Variants in FAXC observed in about 807,000 individuals in gnomAD.
FAXC encodes failed axon connections homolog, metaxin like GST domain containing.
Under a neutral mutation model 41.9 loss-of-function variants are expected in FAXC, and 10 were observed. The observed-to-expected ratio is 0.24, with a 90% confidence interval of 0.15 to 0.41. The LOEUF (loss-of-function observed/expected upper bound fraction) is 0.41. FAXC is among the 10% of genes least tolerant of loss of function. The pLI, the probability that FAXC is intolerant of heterozygous loss-of-function variation, is 1.00. For synonymous variants in FAXC, 183 were observed against 183.8 expected, an observed-to-expected ratio of 1.00 and a Z score of 0.03; for missense variants, 399 against 510.9, an observed-to-expected ratio of 0.78 and a Z score of 2.11.
intron 4 of FAXC, among the ~76,000 whole-genome samples, chr6:99,297,767 A>G (rs1341462449): frequency 1.3e-5 from 2 of 152,076 alleles, no homozygotes; most frequent in African/African-American, 2.4e-5. Context: ...CCTGCCCCAA[A>G]TAACTCCGGC....
chr6:99,337,967 C>T (rs1181110545), intron 2 of FAXC, among the ~76,000 whole-genome samples: 1 of 152,102 alleles, frequency 6.6e-6, no homozygotes, highest in African/African-American at 2.4e-5. Flanking sequence ...GGGTACAGCT[C>T]CCTGGGTCCA....
intron 5 of FAXC, among the ~76,000 whole-genome samples, chr6:99,286,712 T>C (rs72921074): frequency 0.054 from 8,237 of 152,308 alleles, 441 homozygotes; most frequent in Admixed American, 0.18. Flanking sequence ...TCTCCACATC[T>C]GTTTTAAGGA....
chr6:99,323,436 T>G lies in FAXC; in HGVS notation c.823+8A>C. 1 of 1,608,960 alleles carries G rather than the reference T, an allele frequency of 6.2e-7. No homozygotes were observed. Among genetic ancestry groups the G allele is most frequent in the Non-Finnish European group, 8.5e-7 (1 of 1,175,506 alleles). Reference sequence around the variant, plus strand: ...GCAAATATAGAAATAGAAGGTGTGGTACATTACCCAAAAGCCCTGCTAAAG... The same window carrying G: ...GCAAATATAGAAATAGAAGGTGTGGGACATTACCCAAAAGCCCTGCTAAAG... On this transcript the variant is annotated splice_region_variant and intron_variant, in intron 4 of 5. Transcript: ENST00000389677.
intron 4 of FAXC, among the ~76,000 whole-genome samples, chr6:99,302,148 T>C (rs915505544): frequency 6.6e-6 from 1 of 152,214 alleles, no homozygotes; most frequent in Non-Finnish European, 1.5e-5. Flanking sequence ...CGGTTGTTAG[T>C]ACATCTCAGG....
At chr6:99,342,689 CA>C (rs1268791419) in intron 2 of FAXC, among the ~76,000 whole-genome samples, 1 of 152,192 alleles carries the variant, frequency 6.6e-6, no homozygotes, top group African/African-American at 2.4e-5. Flanking sequence ...CTGAATCTCT[CA>C]AAAGTTTAGA....
chr6:99,329,521 G>A (rs1236663463), intron 3 of FAXC, among the ~76,000 whole-genome samples: 6 of 152,108 alleles, frequency 3.9e-5, no homozygotes, highest in Non-Finnish European at 8.8e-5. Flanking sequence ...CATCCTTGCT[G>A]TCTTTTGCTT....
At chr6:99,290,414 T>C (rs1342739776) in intron 5 of FAXC, among the ~76,000 whole-genome samples, 2 of 152,052 alleles carry the variant, frequency 1.3e-5, no homozygotes, top group Non-Finnish European at 2.9e-5. Context: ...AAATAATACT[T>C]TGGGCGGCCG....
intron 4 of FAXC, among the ~76,000 whole-genome samples, chr6:99,300,942 C>A (rs1275337343): frequency 6.6e-6 from 1 of 152,216 alleles, no homozygotes; most frequent in Admixed American, 6.5e-5. Flanking sequence ...TTGTGTTTGG[C>A]CCTCGGGGCC....
intron 4 of FAXC, among the ~76,000 whole-genome samples, chr6:99,294,705 A>G (rs117274470): frequency 0.02 from 3,025 of 152,344 alleles, 53 homozygotes; most frequent in Non-Finnish European, 0.031. Context: ...AGTCAAGTCC[A>G]TAAATTTTGA....
At position 99,282,475 on chromosome 6, in the gene FAXC, C is replaced by T. The variant is rs769509040; in HGVS notation, c.941-1022G>A. Among the ~76,000 whole-genome samples, 4 of 152,090 alleles carry T rather than the reference C, an allele frequency of 2.6e-5. 1 individual carries two copies. The highest frequency in any genetic ancestry group is 7.2e-5 in the African/African-American group (3 of 41,402). On this transcript the variant is annotated intron_variant, in intron 5 of 5. Coordinates refer to ENST00000389677, the MANE Select transcript of FAXC (RefSeq NM_032511.4). ...TAAATTTTTACATGAAATTGAACAG[C>T]GGTACTCAGGATCCGGGTCCCACTC...
chr6:99,346,289 G>A (rs1168009721), intron 1 of FAXC, among the ~76,000 whole-genome samples: 4 of 151,942 alleles, frequency 2.6e-5, no homozygotes, highest in Admixed American at 6.5e-5. Context: ...TCCCCTAGAC[G>A]CTGCAAGAAA....
chr6:99,306,356 T>G (rs941383658), intron 4 of FAXC, among the ~76,000 whole-genome samples: 3 of 152,190 alleles, frequency 2.0e-5, no homozygotes, highest in African/African-American at 7.2e-5. Flanking sequence ...GAATGACTTC[T>G]GGCATCCAGA....
chr6:99,331,518 C>CA, intron 3 of FAXC, among the ~76,000 whole-genome samples: 1 of 152,026 alleles, frequency 6.6e-6, no homozygotes, highest in East Asian at 1.9e-4. Flanking sequence ...ACACACAGAA[C>CA]AAAAAATAGT....
chr6:99,293,103 G>A (rs529842909), intron 4 of FAXC, among the ~76,000 whole-genome samples: 17 of 152,244 alleles, frequency 1.1e-4, no homozygotes, highest in Middle Eastern at 3.4e-3. Flanking sequence ...CACTGCGCCC[G>A]GCCCTAAGAC....
chr6:99,344,360 C>T (rs1773523411), intron 1 of FAXC, among the ~76,000 whole-genome samples: 1 of 152,174 alleles, frequency 6.6e-6, no homozygotes, highest in South Asian at 2.1e-4. Context: ...CTTCACTCTT[C>T]CTTCCCCTTG....
At chr6:99,348,127 T>C (rs1447079686) in intron 1 of FAXC, among the ~76,000 whole-genome samples, 3 of 152,196 alleles carry the variant, frequency 2.0e-5, no homozygotes, top group Non-Finnish European at 2.9e-5. Context: ...TTATAACCTA[T>C]TGTGTAGGAT....
At chr6:99,335,871 T>C (rs2128463499) in intron 2 of FAXC, among the ~76,000 whole-genome samples, 1 of 152,332 alleles carries the variant, frequency 6.6e-6, no homozygotes, top group South Asian at 2.1e-4. Context: ...TCAACAATTA[T>C]ATTTTGATTG....
chr6:99,349,716 G>C (rs1076709), upstream of FAXC: 22,391 of 151,870 alleles, frequency 0.15, 1,734 homozygotes, highest in Non-Finnish European at 0.17. Context: ...ACAGAGGCGG[G>C]ATAAAGTCAC....
chr6:99,281,725 T>G (rs1770845377), intron 5 of FAXC, among the ~76,000 whole-genome samples: 1 of 152,210 alleles, frequency 6.6e-6, no homozygotes, highest in Non-Finnish European at 1.5e-5. Context: ...AAGCAGGAAG[T>G]GGTCCCTCCC....
Sources: gnomAD v4.1 joint callset for allele counts (sites outside exome capture counted in the v4.1 genomes callset) on GRCh38, gnomAD v4.1.1 for gene constraint, MANE v1.5 for transcripts, NCBI Gene and HGNC (gene_info 2026-07-23, HGNC 2026-07-21) for gene names.